Variants in GLIS3 observed in about 807,000 individuals in gnomAD.
GLIS3 encodes zinc finger protein GLIS3.
GLIS3 carries 53 observed loss-of-function variants against 78.6 expected under a neutral mutation model. The observed-to-expected ratio is 0.67, with a 90% CI of 0.54 to 0.85. GLIS3 has a LOEUF of 0.85. Among genes scored for constraint, GLIS3 ranks in the 40% least tolerant of loss-of-function variants. The pLI is 0.00. For synonymous variants in GLIS3, 684 were observed against 509.9 expected, an observed-to-expected ratio of 1.34 and a Z score of -4.60; for missense variants, 1,703 against 1,231.1, an observed-to-expected ratio of 1.38 and a Z score of -5.74.
intron 4 of GLIS3, among the ~76,000 whole-genome samples, chr9:4,102,213 G>A (rs978720371): frequency 2.0e-5 from 3 of 152,192 alleles, no homozygotes; most frequent in Non-Finnish European, 4.4e-5. Context: ...ACTTGGAACA[G>A]TTTACATTCC....
At chr9:4,263,912 C>T (rs1029724406) in intron 2 of GLIS3, among the ~76,000 whole-genome samples, 5 of 152,080 alleles carry the variant, frequency 3.3e-5, no homozygotes, top group African/African-American at 4.8e-5. Context: ...CAGTTATTGG[C>T]CATTTTCTCC....
rs572490764 is a variant in GLIS3 at position 3,850,853 on chromosome 9, G to T, written c.2473+5156C>A. On this transcript the variant is annotated intron_variant, in intron 9 of 10. Transcript: ENST00000381971. ...CACCTGTGCTCTTTGCTTCCCCTCT[G>T]CCTGGAATGCCTTTACTCACTTGGC... Among the ~76,000 whole-genome samples the T allele has an allele frequency of 2.0e-5, 3 of 152,206 alleles. No homozygotes were observed. The East Asian group carries it at 5.8e-4, about 29-fold the overall frequency.
chr9:4,166,529 G>A (rs1815855434), intron 2 of GLIS3, among the ~76,000 whole-genome samples: 1 of 152,210 alleles, frequency 6.6e-6, no homozygotes. Context: ...AAAGAGAACT[G>A]CACTAATGAT....
the GLIS3 span, among the ~76,000 whole-genome samples, chr9:4,409,749 G>GA: frequency 4.0e-5 from 6 of 151,770 alleles, no homozygotes; most frequent in African/African-American, 1.5e-4. Context: ...CTATCAAAGT[G>GA]AAAAAAAGGG....
chr9:3,919,800 C>T (rs949572161), intron 6 of GLIS3, among the ~76,000 whole-genome samples: 2 of 151,938 alleles, frequency 1.3e-5, no homozygotes, highest in Non-Finnish European at 2.9e-5. Flanking sequence ...GCTCTACCAT[C>T]TCTAATAGAA....
At chr9:4,144,490 T>A (rs1834058017) in intron 2 of GLIS3, among the ~76,000 whole-genome samples, 1 of 152,200 alleles carries the variant, frequency 6.6e-6, no homozygotes, top group African/African-American at 2.4e-5. Flanking sequence ...TTCAAAACCA[T>A]ATAATTAGAT....
chr9:4,296,545 A>G (rs1161213072), intron 1 of GLIS3, among the ~76,000 whole-genome samples: 1 of 152,136 alleles, frequency 6.6e-6, no homozygotes, highest in Non-Finnish European at 1.5e-5. Context: ...GCAAACCAAC[A>G]AACCCTAGGT....
At chr9:4,172,956 C>G (rs1452770673) in intron 2 of GLIS3, among the ~76,000 whole-genome samples, 1 of 152,116 alleles carries the variant, frequency 6.6e-6, no homozygotes, top group Non-Finnish European at 1.5e-5. Context: ...CCGAGAAAAG[C>G]CAAATTCTGA....
intron 4 of GLIS3, among the ~76,000 whole-genome samples, chr9:4,109,175 GA>G (rs145411988): frequency 0.025 from 3,846 of 152,166 alleles, 182 homozygotes; most frequent in African/African-American, 0.089. Context: ...AGCAGTGAAG[GA>G]AAAAAATCTT....
At chr9:4,243,191 A>T (rs1563817584) in intron 2 of GLIS3, among the ~76,000 whole-genome samples, 1 of 152,192 alleles carries the variant, frequency 6.6e-6, no homozygotes. Flanking sequence ...CTTAATAATT[A>T]AGGGAGCTTA....
chr9:4,000,360 T>C (rs1372963724), intron 4 of GLIS3, among the ~76,000 whole-genome samples: 1 of 151,984 alleles, frequency 6.6e-6, no homozygotes, highest in Non-Finnish European at 1.5e-5. Flanking sequence ...TAATACAAAA[T>C]GAAAATTAAA....
intron 2 of GLIS3, among the ~76,000 whole-genome samples, chr9:4,156,689 G>C (rs1184690760): frequency 4.6e-5 from 7 of 152,212 alleles, no homozygotes; most frequent in Non-Finnish European, 7.3e-5. Flanking sequence ...TCCTTGTGAA[G>C]GGTAGCCCTT....
At chr9:4,319,670 T>C (rs1372281570) in intron 2 of GLIS3, among the ~76,000 whole-genome samples, 3 of 152,078 alleles carry the variant, frequency 2.0e-5, no homozygotes, top group Non-Finnish European at 4.4e-5. Context: ...GCTAGGACTA[T>C]AGGTGTTTGC....
At chr9:4,148,365 C>A (rs7042056) in intron 2 of GLIS3, among the ~76,000 whole-genome samples, 5 of 151,882 alleles carry the variant, frequency 3.3e-5, no homozygotes, top group African/African-American at 1.2e-4. Context: ...CACATCCCCA[C>A]GTCCCCATAC....
chr9:4,419,550 G>T, the GLIS3 span, among the ~76,000 whole-genome samples: 1 of 152,152 alleles, frequency 6.6e-6, no homozygotes, highest in Non-Finnish European at 1.5e-5. Flanking sequence ...AGCATTTGAG[G>T]AGGCCGAGGC....
rs1160194234 is a variant in GLIS3 at position 4,195,778 on chromosome 9, T to A, written c.389-69837A>T. On this transcript the variant is annotated intron_variant, in intron 2 of 10. Transcript: ENST00000381971. ...GTCTTGGAGAACTTTTATGTCTAGCTGGAGGATTGTGGATGCACCAACAGG... is the reference window on the plus strand; with the variant it reads ...GTCTTGGAGAACTTTTATGTCTAGCAGGAGGATTGTGGATGCACCAACAGG... Among the ~76,000 whole-genome samples, 7 of 152,238 alleles carry A rather than the reference T, an allele frequency of 4.6e-5. No homozygotes were observed. In the East Asian group the frequency reaches 1.3e-3, roughly 29 times the overall value.
chr9:4,174,919 C>A (rs1205486638), intron 2 of GLIS3, among the ~76,000 whole-genome samples: 1 of 152,192 alleles, frequency 6.6e-6, no homozygotes, highest in Non-Finnish European at 1.5e-5. Context: ...ACCGTCTTCA[C>A]AGCAAATATG....
At chr9:4,478,911 G>A in the GLIS3 span, among the ~76,000 whole-genome samples, 1 of 152,186 alleles carries the variant, frequency 6.6e-6, no homozygotes, top group Admixed American at 6.5e-5. Context: ...TTAGCATTAT[G>A]AAATAGCAAA....
intron 4 of GLIS3, among the ~76,000 whole-genome samples, chr9:3,981,192 C>A (rs993674722): frequency 6.6e-5 from 10 of 152,154 alleles, no homozygotes; most frequent in Admixed American, 1.3e-4. Context: ...TCTACTGGGA[C>A]ATTTTTAAAA....
Sources: allele counts gnomAD v4.1 joint callset (sites outside exome capture counted in the v4.1 genomes callset), GRCh38; gene constraint gnomAD v4.1.1; transcripts MANE v1.5; gene names NCBI Gene and HGNC (gene_info 2026-07-23, HGNC 2026-07-21).